The following TGFBR3 variants were observed in gnomAD, a reference collection of about 807,000 sequenced individuals.
The protein encoded by TGFBR3 is transforming growth factor beta receptor type 3.
A neutral mutation model predicts 87.9 loss-of-function variants in TGFBR3; 46 were observed. That is an observed-to-expected ratio of 0.52 (90% CI 0.41 to 0.67). The LOEUF is 0.67. Among genes scored for constraint, TGFBR3 ranks in the 30% least tolerant of loss-of-function variants. The pLI is 0.00. For synonymous variants in TGFBR3, 381 were observed against 391.6 expected, an observed-to-expected ratio of 0.97 and a Z score of 0.32; for missense variants, 866 against 1,041.9, an observed-to-expected ratio of 0.83 and a Z score of 2.32.
At chr1:91,796,519 T>A (rs1675388490) in intron 3 of TGFBR3, among the ~76,000 whole-genome samples, 1 of 152,182 alleles carries the variant, frequency 6.6e-6, no homozygotes, top group African/African-American at 2.4e-5. Context: ...GCTCAGGGAT[T>A]TTCAGGCAAG....
In TGFBR3 at chr1:91,682,404, C is replaced by CTTT. The variant is rs59188054; in HGVS notation, c.*1332_*1334dup. ...AGCATGATAATTCCCCCCTGGCATT[C>CTTT]TTTTTTTTTTTTTTTTTTTTTAACA... On this transcript the variant is annotated 3_prime_UTR_variant, in exon 17 of 17. Transcript: ENST00000212355. The CTTT allele has an allele frequency of 0.067, 22,588 of 338,032 alleles. 743 individuals carry two copies. The highest frequency in any genetic ancestry group is 0.081 in the Non-Finnish European group (14,540 of 178,828). 20.9% of individuals were successfully genotyped at this position (338,032 alleles called of 1,614,324 possible). A position where few individuals can be genotyped will look rare whatever the true frequency, so the allele number is the denominator to read the frequency against.
intron 16 of TGFBR3, among the ~76,000 whole-genome samples, chr1:91,687,154 G>C (rs1671113561): frequency 6.6e-6 from 1 of 152,184 alleles, no homozygotes; most frequent in Non-Finnish European, 1.5e-5. Context: ...GATACTGCCA[G>C]AGATGCCTCA....
chr1:91,752,645 T>C (rs1292433217), intron 4 of TGFBR3, among the ~76,000 whole-genome samples: 1 of 151,986 alleles, frequency 6.6e-6, no homozygotes, highest in East Asian at 1.9e-4. Flanking sequence ...CTTGAAAACG[T>C]CTGCTTGTCC....
intron 2 of TGFBR3, among the ~76,000 whole-genome samples, chr1:91,820,510 C>T (rs571587924): frequency 7.2e-5 from 11 of 152,200 alleles, no homozygotes; most frequent in African/African-American, 2.4e-4. Context: ...GTTGAAACCC[C>T]GTCTGTACTA....
rs966722021 is a variant in TGFBR3, at chr1:91,683,094, T to C, written c.*645A>G. ...AGCTGATAAGGTCATCAGCATTGGT[T>C]TTGGCCCAGGGCACAAGAAAGGAAT... On this transcript the variant is annotated 3_prime_UTR_variant, in exon 17 of 17. Coordinates refer to ENST00000212355, the MANE Select transcript of TGFBR3 (RefSeq NM_003243.5). 6.6e-6 allele frequency: 3 copies of C among 454,530 alleles called. No homozygotes were observed. The highest frequency in any genetic ancestry group is 1.4e-3 in the Middle Eastern group (2 of 1,444). The allele number at this position is 454,530 out of a possible 1,614,324, so 28.2% of individuals were successfully genotyped here. A position where few individuals can be genotyped will look rare whatever the true frequency, so the allele number is the denominator to read the frequency against.
chr1:91,863,215 T>C (rs1292805345), intron 1 of TGFBR3, among the ~76,000 whole-genome samples: 2 of 152,190 alleles, frequency 1.3e-5, no homozygotes, highest in African/African-American at 4.8e-5. Context: ...CAAAAAGAAT[T>C]TCTTAGATAT....
intron 2 of TGFBR3, among the ~76,000 whole-genome samples, chr1:91,838,625 ATT>A (rs71311981): frequency 1.1e-3 from 155 of 140,548 alleles, no homozygotes; most frequent in Middle Eastern, 3.7e-3. Context: ...CACCCGACTA[ATT>A]TTTTTTTTTT....
Position 91,797,448 on chromosome 1 carries a change from C to G in TGFBR3, c.85G>C (p.Glu29Gln), listed in dbSNP as rs150762460. ...TGGGAGGCACTGACAGGTGACAGTT[C>G]ACACAGTGCACCAGGCTCTGGACCT... ...TAGPEPGALC[E>Q]LSPVSASHPV... Residue 29 changes from glutamate (E) to glutamine (Q), a missense_variant, in exon 3 of 17, where the codon GAA (glutamate) becomes CAA (glutamine). Physicochemically the swap from Glu to Gln is conservative, Grantham distance 29 (BLOSUM62 2). Transcript: ENST00000212355. The G allele has an allele frequency of 2.5e-4, 408 of 1,614,098 alleles. No homozygotes were observed. Among genetic ancestry groups the G allele is most frequent in the Non-Finnish European group, 3.3e-4 (387 of 1,180,046 alleles).
chr1:91,733,006 C>T (rs1470812845), intron 5 of TGFBR3, among the ~76,000 whole-genome samples: 3 of 152,206 alleles, frequency 2.0e-5, no homozygotes, highest in Admixed American at 6.5e-5. Flanking sequence ...TTCAGAAACG[C>T]GGCCCGCTGG....
intron 12 of TGFBR3, among the ~76,000 whole-genome samples, chr1:91,714,196 T>A (rs958768542): frequency 6.6e-6 from 1 of 151,688 alleles, no homozygotes; most frequent in African/African-American, 2.4e-5. Context: ...ACCTACAGAA[T>A]GAGAACACGA....
chr1:91,714,734 GC>G (rs1489319298), intron 12 of TGFBR3, among the ~76,000 whole-genome samples: 3 of 152,228 alleles, frequency 2.0e-5, no homozygotes, highest in South Asian at 4.1e-4. Context: ...GAAATCCACA[GC>G]GCAATAGGGT....
chr1:91,858,959 G>C (rs983627725), intron 2 of TGFBR3, among the ~76,000 whole-genome samples: 3 of 151,910 alleles, frequency 2.0e-5, no homozygotes, highest in African/African-American at 7.3e-5. Context: ...AGGAGGCTGA[G>C]GCAGGAGAAT....
chr1:91,698,168 G>T, intron 14 of TGFBR3, 38 bp from the exon 15 acceptor site: 1 of 1,584,836 alleles, frequency 6.3e-7, no homozygotes, highest in South Asian at 1.1e-5. Flanking sequence ...ATTCTATGGA[G>T]AACCAAGATT....
At chr1:91,694,468 C>A (rs1671365592) in intron 16 of TGFBR3, among the ~76,000 whole-genome samples, 1 of 152,198 alleles carries the variant, frequency 6.6e-6, no homozygotes, top group South Asian at 2.1e-4. Context: ...ATACCTCAGG[C>A]AGGAGATGTA....
At chr1:91,821,017 T>C (rs922648734) in intron 2 of TGFBR3, among the ~76,000 whole-genome samples, 21 of 152,112 alleles carry the variant, frequency 1.4e-4, no homozygotes, top group Admixed American at 3.9e-4. Context: ...ACAAAAGTAA[T>C]TGCAGTTTTT....
rs779727453 is a variant in TGFBR3, at chr1:91,797,261, G to C, written c.246+26C>G. The C allele has an allele frequency of 8.7e-6, 14 of 1,612,428 alleles. No homozygotes were observed. In the East Asian group the frequency reaches 3.1e-4, roughly 36 times the overall value. On this transcript the variant is annotated intron_variant, in intron 3 of 16. Coordinates refer to ENST00000212355, the MANE Select transcript of TGFBR3 (RefSeq NM_003243.5). ...CATCTCTGCAGACTCAGTGGCAGTGGGCTGAGAGCTGACACCTGCACCTAC... is the reference window on the plus strand; with the variant it reads ...CATCTCTGCAGACTCAGTGGCAGTGCGCTGAGAGCTGACACCTGCACCTAC...
In TGFBR3 at chr1:91,703,344, T is replaced by C. The variant is rs561754783; in HGVS notation, c.2288-5214A>G. ...CTCAACCCTCCCTTCCCAAAAAACCTCTAGTTTGCTGAGAGGTTGAGAGGA... is the reference window on the plus strand; with the variant it reads ...CTCAACCCTCCCTTCCCAAAAAACCCCTAGTTTGCTGAGAGGTTGAGAGGA... On this transcript the variant is annotated intron_variant, in intron 14 of 16. Transcript: ENST00000212355. Among the ~76,000 whole-genome samples, 6 of 152,220 alleles carry C rather than the reference T, an allele frequency of 3.9e-5. No homozygotes were observed. In the South Asian group the frequency reaches 1.2e-3, roughly 32 times the overall value.
rs781013705 is a variant in TGFBR3, at chr1:91,729,816, A to C, written c.726T>G (p.Ser242=). The C allele has an allele frequency of 5.0e-6, 8 of 1,614,018 alleles. No homozygotes were observed. In the African/African-American group the frequency reaches 1.1e-4, roughly 22 times the overall value. Residue 242 remains serine, a synonymous_variant, in exon 6 of 17, where the codon TCT becomes TCG. Coordinates refer to ENST00000212355, the MANE Select transcript of TGFBR3 (RefSeq NM_003243.5). ...VHIIELITPN[S]NPYSAFQVDI... Reference sequence around the variant, plus strand: ...TTAGACTCACTTACCTGTAGGGGTTAGAGTTGGGGGTGATTAGCTCGATGA... The same window carrying C: ...TTAGACTCACTTACCTGTAGGGGTTCGAGTTGGGGGTGATTAGCTCGATGA...
chr1:91,741,864 C>G (rs1282978749), intron 4 of TGFBR3, among the ~76,000 whole-genome samples: 1 of 152,120 alleles, frequency 6.6e-6, no homozygotes, highest in Non-Finnish European at 1.5e-5. Context: ...TTCCTTCTAC[C>G]CCTCCTCCAC....
Sources: gnomAD v4.1 joint callset for allele counts (sites outside exome capture counted in the v4.1 genomes callset) on GRCh38, gnomAD v4.1.1 for gene constraint, MANE v1.5 for transcripts, NCBI Gene and HGNC (gene_info 2026-07-23, HGNC 2026-07-21) for gene names.